SETD5: variants seen among roughly 807,000 people sequenced by gnomAD.
The protein encoded by SETD5 is histone-lysine N-methyltransferase SETD5.
A neutral mutation model predicts 153.3 loss-of-function variants in SETD5; 44 were observed. The ratio of observed to expected loss-of-function variants is 0.29; its 90% confidence interval spans 0.23 to 0.37. The LOEUF (loss-of-function observed/expected upper bound fraction) is 0.37, where lower values mean the gene tolerates loss of function less well. Among genes scored for constraint, SETD5 ranks in the 10% least tolerant of loss-of-function variants. SETD5 has a pLI of 1.00. For synonymous variants in SETD5, 716 were observed against 645.2 expected, an observed-to-expected ratio of 1.11 and a Z score of -1.66; for missense variants, 1,544 against 1,768.0, an observed-to-expected ratio of 0.87 and a Z score of 2.27.
chr3:9,471,638 T>TA (rs2045315814), intron 19 of SETD5, among the ~76,000 whole-genome samples: 1 of 152,182 alleles, frequency 6.6e-6, no homozygotes, highest in South Asian at 2.1e-4. Context: ...GAGAGCTTGC[T>TA]AATGGGTTGG....
At chr3:9,432,139 A>G (rs2040036250) in intron 3 of SETD5, 1 of 213,616 alleles carries the variant, frequency 4.7e-6, no homozygotes, top group East Asian at 1.8e-4. Flanking sequence ...TCTTTTTCTC[A>G]AGAATACTGA....
At chr3:9,461,109 A>G (rs1177323585) in intron 17 of SETD5, among the ~76,000 whole-genome samples, 2 of 152,216 alleles carry the variant, frequency 1.3e-5, no homozygotes, top group Non-Finnish European at 2.9e-5. Flanking sequence ...GATGAAGAAA[A>G]AGACCCCAAC....
Position 9,397,651 on chromosome 3 carries a change from T to TGCCGCTGCCGCC in SETD5, c.-498_-497insTGCCGCCGCCGC. The TGCCGCTGCCGCC allele has an allele frequency of 6.0e-6, 1 of 167,920 alleles. No individual in the cohort carries two copies. Among genetic ancestry groups the TGCCGCTGCCGCC allele is most frequent in the South Asian group, 1.8e-4 (1 of 5,698 alleles). 10.4% of individuals were successfully genotyped at this position (167,920 alleles called of 1,614,324 possible). On this transcript the variant is annotated 5_prime_UTR_variant, in exon 1 of 23. Transcript: ENST00000402198. ...CGCTCGGGCAGCGGGCTGAGTGAGC[T>TGCCGCTGCCGCC]GCCGCCGCCGCCGCCGCCGCCGCCG...
chr3:9,431,688 AT>A, intron 3 of SETD5: 1 of 985,788 alleles, frequency 1.0e-6, no homozygotes, highest in Non-Finnish European at 1.2e-6. Context: ...CACAATATAC[AT>A]TTTATTTTTA....
intron 7 of SETD5, among the ~76,000 whole-genome samples, chr3:9,438,948 A>C (rs1342771908): frequency 2.0e-5 from 3 of 152,210 alleles, no homozygotes; most frequent in African/African-American, 7.2e-5. Context: ...AACCCAACTG[A>C]GGTAGAGTCT....
intron 12 of SETD5, 60 bp from the exon 13 acceptor site, chr3:9,445,586 GCTACCAGAATA>G: frequency 7.5e-7 from 1 of 1,341,372 alleles, no homozygotes; most frequent in East Asian, 2.3e-5. Context: ...AGAGTTTTAA[GCTACCAGAATA>G]AAACAGATTG....
At chr3:9,417,616 G>A (rs2037682214) in intron 1 of SETD5, among the ~76,000 whole-genome samples, 1 of 151,316 alleles carries the variant, frequency 6.6e-6, no homozygotes, top group Admixed American at 6.6e-5. Flanking sequence ...CTCCCAAGTA[G>A]CTGAGACTAC....
chr3:9,427,973 T>G (rs1483380875), intron 2 of SETD5, among the ~76,000 whole-genome samples: 1 of 152,222 alleles, frequency 6.6e-6, no homozygotes, highest in South Asian at 2.1e-4. Context: ...TCCTCACCGC[T>G]TTTTCATACA....
At chr3:9,430,518 T>C (rs1015451999) in intron 3 of SETD5, 3 of 253,880 alleles carry the variant, frequency 1.2e-5, no homozygotes, top group African/African-American at 2.3e-5. Flanking sequence ...TTTACAACTC[T>C]TTCCCCAAAT....
At chr3:9,433,527 G>A (rs1056884139) in intron 3 of SETD5, 3 of 1,294,104 alleles carry the variant, frequency 2.3e-6, no homozygotes, top group South Asian at 1.2e-5. Flanking sequence ...AACCAGCCCA[G>A]AGTGGCTTCT....
chr3:9,404,554 A>G (rs955340221), intron 1 of SETD5, among the ~76,000 whole-genome samples: 10 of 152,190 alleles, frequency 6.6e-5, no homozygotes, highest in African/African-American at 2.2e-4. Flanking sequence ...ATTTATTCAC[A>G]TGGATTATTT....
chr3:9,424,789 C>G (rs2038902824), intron 2 of SETD5, among the ~76,000 whole-genome samples: 1 of 152,136 alleles, frequency 6.6e-6, no homozygotes, highest in South Asian at 2.1e-4. Context: ...GTTAAATGTT[C>G]CTCGGTTAAC....
At chr3:9,426,704 A>G (rs1035061562) in intron 2 of SETD5, among the ~76,000 whole-genome samples, 4 of 151,240 alleles carry the variant, frequency 2.6e-5, no homozygotes, top group Admixed American at 2.0e-4. Context: ...ACACCAGGTA[A>G]ATTTTGTATT....
chr3:9,407,904 G>A (rs1358665676), intron 1 of SETD5, among the ~76,000 whole-genome samples: 1 of 152,066 alleles, frequency 6.6e-6, no homozygotes, highest in African/African-American at 2.4e-5. Context: ...GGAGGCTGAG[G>A]CAGGAGAATC....
At chr3:9,440,024 A>C (rs184699692) in intron 7 of SETD5, among the ~76,000 whole-genome samples, 23 of 152,218 alleles carry the variant, frequency 1.5e-4, no homozygotes, top group Admixed American at 2.6e-4. Context: ...TTGGGCTAAC[A>C]CTTAACACAG....
chr3:9,427,755 C>A (rs2039478990), intron 2 of SETD5, among the ~76,000 whole-genome samples: 1 of 152,090 alleles, frequency 6.6e-6, no homozygotes, highest in South Asian at 2.1e-4. Context: ...TTTATTCCCC[C>A]CCAAATAAAA....
chr3:9,462,364 G>A (rs2044063545), intron 17 of SETD5, among the ~76,000 whole-genome samples: 1 of 151,966 alleles, frequency 6.6e-6, no homozygotes. Flanking sequence ...GAGGCGGGTG[G>A]ATCACGAGGT....
intron 1 of SETD5, among the ~76,000 whole-genome samples, chr3:9,421,412 A>G (rs780245135): frequency 2.0e-5 from 3 of 152,062 alleles, no homozygotes; most frequent in Admixed American, 6.5e-5. Context: ...TGCTAGGATT[A>G]CAGGTGCAAG....
intron 6 of SETD5, among the ~76,000 whole-genome samples, chr3:9,435,479 C>T (rs1028258021): frequency 3.3e-5 from 5 of 152,022 alleles, no homozygotes; most frequent in African/African-American, 4.8e-5. Context: ...ATTGAGTCAG[C>T]GAAGCTTAGG....
Sources: allele counts gnomAD v4.1 joint callset (sites outside exome capture counted in the v4.1 genomes callset), GRCh38; gene constraint gnomAD v4.1.1; transcripts MANE v1.5; gene names NCBI Gene and HGNC (gene_info 2026-07-23, HGNC 2026-07-21).